DNMBP: variants seen among roughly 807,000 people sequenced by gnomAD.
DNMBP encodes the protein dynamin-binding protein.
A neutral mutation model predicts 150.0 loss-of-function variants in DNMBP; 87 were observed. That is an observed-to-expected ratio of 0.58 (90% confidence interval 0.49 to 0.69). The LOEUF (loss-of-function observed/expected upper bound fraction) is 0.69, where lower values mean the gene tolerates loss of function less well. Among genes scored for constraint, DNMBP ranks in the 30% least tolerant of loss-of-function variants. The pLI, the probability that DNMBP is intolerant of heterozygous loss-of-function variation, is 0.00. For synonymous variants in DNMBP, 711 were observed against 750.4 expected (o/e 0.95, Z 0.86); for missense variants, 1,774 against 1,949.0 (o/e 0.91, Z 1.69).
Position 99,877,086 on chromosome 10 carries a change from G to C in DNMBP, c.*65C>G. On this transcript the variant is annotated 3_prime_UTR_variant, in exon 17 of 17. Coordinates refer to ENST00000324109, the MANE Select transcript of DNMBP (RefSeq NM_015221.4). The stretch of plus-strand genomic sequence containing the variant: ...CTCAGGAGCAGGCGCCCTCTCGGTG[G>C]GCCGCCAGAACCCTCGGCGGACTGA... 6.8e-7 allele frequency: 1 copy of C among 1,475,962 alleles called. No homozygotes were observed. 91.4% of individuals were successfully genotyped at this position (1,475,962 alleles called of 1,614,324 possible). A position where few individuals can be genotyped will look rare whatever the true frequency, so the allele number is the denominator to read the frequency against.
At chr10:99,975,220 C>T (rs535516336) in intron 1 of DNMBP, among the ~76,000 whole-genome samples, 48 of 152,148 alleles carry the variant, frequency 3.2e-4, no homozygotes, top group Admixed American at 3.0e-3. Flanking sequence ...ATTAGCCAGG[C>T]GTGGTGGTGC....
chr10:99,913,040 A>G (rs2039919535), intron 4 of DNMBP, among the ~76,000 whole-genome samples: 1 of 152,174 alleles, frequency 6.6e-6, no homozygotes, highest in African/African-American at 2.4e-5. Flanking sequence ...CATGCCTGTA[A>G]TCCTAGCGCT....
chr10:99,892,096 G>A (rs1489806609), intron 11 of DNMBP, among the ~76,000 whole-genome samples: 2 of 139,634 alleles, frequency 1.4e-5, no homozygotes, highest in East Asian at 2.0e-4. Flanking sequence ...GGTGAGGGGC[G>A]CCTCTGCCCG....
At chr10:99,916,763 G>A (rs1158851001) in intron 4 of DNMBP, among the ~76,000 whole-genome samples, 1 of 152,044 alleles carries the variant, frequency 6.6e-6, no homozygotes, top group Admixed American at 6.6e-5. Context: ...TTGGACAAGG[G>A]CACAAATATG....
intron 4 of DNMBP, among the ~76,000 whole-genome samples, chr10:99,951,582 G>A (rs954250474): frequency 3.9e-5 from 6 of 152,224 alleles, no homozygotes; most frequent in Admixed American, 6.5e-5. Context: ...ACCTCGTTGT[G>A]AGACATGGAG....
chr10:99,887,523 T>C (rs1002492253), intron 12 of DNMBP, among the ~76,000 whole-genome samples: 2 of 152,002 alleles, frequency 1.3e-5, no homozygotes, highest in African/African-American at 4.8e-5. Context: ...TGAGACTCCA[T>C]CTCAAAACAA....
rs2040508071 is a variant in DNMBP at position 99,957,113 on chromosome 10, C to T, written c.361G>A (p.Val121Ile). 2 of 1,613,786 alleles carry T rather than the reference C, an allele frequency of 1.2e-6. No individual in the cohort carries two copies. Among genetic ancestry groups the T allele is most frequent in the African/African-American group, 2.7e-5 (2 of 74,924 alleles). Residue 121 changes from valine to isoleucine, a missense_variant, in exon 4 of 17, where the codon GTC becomes ATC. Physicochemically the swap from Val to Ile is conservative, Grantham distance 29 (BLOSUM62 3). Transcript: ENST00000324109. ...TGTGAGGAGAGGCAGAGCTCGCGGA[C>T]ACATGAAGATGGGAAGAAGCCCCGT... is the stretch of plus-strand genomic sequence containing the variant. Reference protein sequence around the residue: ...GARGFFPSSCVRELCLSSQSR... With the variant: ...GARGFFPSSCIRELCLSSQSR...
chr10:99,968,554 A>G (rs2040643471), intron 3 of DNMBP, among the ~76,000 whole-genome samples: 1 of 152,002 alleles, frequency 6.6e-6, no homozygotes, highest in South Asian at 2.1e-4. Context: ...CCAGCGTGGT[A>G]GCACGTGCCT....
At chr10:99,896,802 A>G (rs1590219182) in intron 9 of DNMBP, among the ~76,000 whole-genome samples, 1 of 152,380 alleles carries the variant, frequency 6.6e-6, no homozygotes, top group East Asian at 1.9e-4. Flanking sequence ...ATTGATATCC[A>G]ATCGTCTCCC....
At chr10:99,951,053 G>A (rs914920716) in intron 4 of DNMBP, among the ~76,000 whole-genome samples, 3 of 152,216 alleles carry the variant, frequency 2.0e-5, no homozygotes, top group South Asian at 2.1e-4. Context: ...GCTGTGTGCA[G>A]CCTAGGGACT....
intron 1 of DNMBP, among the ~76,000 whole-genome samples, chr10:100,006,945 G>A (rs569615901): frequency 1.6e-4 from 24 of 152,074 alleles, no homozygotes; most frequent in African/African-American, 5.3e-4. Context: ...GAAACCCCGC[G>A]TCTACTAAAA....
Position 99,955,372 on chromosome 10 carries a change from A to G in DNMBP, c.2102T>C (p.Met701Thr). ...CPLVLVRIEEMERDLDMYSRA... is the reference protein window; with the variant it reads ...CPLVLVRIEETERDLDMYSRA... Reference sequence around the variant, plus strand: ...ACTGTACATATCCAAGTCCCGCTCCATTTCCTCAATCCTCACCAGCACTAA... The same window carrying G: ...ACTGTACATATCCAAGTCCCGCTCCGTTTCCTCAATCCTCACCAGCACTAA... Residue 701 changes from methionine (M) to threonine (T), a missense_variant, in exon 4 of 17, where the codon ATG becomes ACG. By Grantham distance (81) the Met-to-Thr change is moderately conservative. Around this residue, in one of 2 missense-constraint regions of DNMBP, gnomAD observed 1,430 missense variants for 1,492.5 expected, o/e 0.96. Transcript: ENST00000324109. 6.2e-7 allele frequency: 1 copy of G among 1,614,166 alleles called. No homozygotes were observed. The highest frequency in any genetic ancestry group is 8.5e-7 in the Non-Finnish European group (1 of 1,180,018).
At chr10:99,934,088 TA>T (rs1375386380) in intron 4 of DNMBP, among the ~76,000 whole-genome samples, 2 of 152,076 alleles carry the variant, frequency 1.3e-5, no homozygotes, top group African/African-American at 4.8e-5. Context: ...AATCATAAGT[TA>T]AAGGAATGCA....
At chr10:99,954,903 A>G (rs2040466045) in intron 4 of DNMBP, among the ~76,000 whole-genome samples, 2 of 151,868 alleles carry the variant, frequency 1.3e-5, no homozygotes, top group South Asian at 4.2e-4. Context: ...TACAAAAATT[A>G]GCCAGGTGTG....
Position 99,877,346 on chromosome 10 carries a change from G to GGA in DNMBP, c.4549-12_4549-11dup. The GGA allele has an allele frequency of 6.3e-7, 1 of 1,593,180 alleles. No homozygotes were observed. The highest frequency in any genetic ancestry group is 1.1e-5 in the South Asian group (1 of 88,106). On this transcript the variant is annotated splice_polypyrimidine_tract_variant and intron_variant, in intron 16 of 16. Transcript: ENST00000324109. ...AGACAGCAAAATAGACCTGTGTGAG[G>GGA]GAGAGAGAGAAAATGGGAAATTGCT...
chr10:99,932,417 G>A (rs1158611371), intron 4 of DNMBP, among the ~76,000 whole-genome samples: 1 of 152,098 alleles, frequency 6.6e-6, no homozygotes, highest in African/African-American at 2.4e-5. Flanking sequence ...ATTGACCAGT[G>A]GTATTCATCA....
Position 99,886,503 on chromosome 10 carries a change from C to T in DNMBP, c.3415G>A (p.Glu1139Lys). 1 of 1,614,176 alleles carries T rather than the reference C, an allele frequency of 6.2e-7. No individual in the cohort carries two copies. The highest frequency in any genetic ancestry group is 8.5e-7 in the Non-Finnish European group (1 of 1,180,032). The change falls in exon 13 of 17, where the codon GAA becomes AAA. Residue 1139 changes from glutamate (E) to lysine (K), a missense_variant. Glu to Lys is a moderately conservative substitution (Grantham distance 56). Around this residue, in one of 2 missense-constraint regions of DNMBP, gnomAD observed 1,430 missense variants for 1,492.5 expected, o/e 0.96. Coordinates refer to ENST00000324109, the MANE Select transcript of DNMBP (RefSeq NM_015221.4). The stretch of plus-strand genomic sequence containing the variant: ...AGGGTCTTCTTGTCCTTTAGCTTTT[C>T]TGCCCGTTCTGTACAGTTATAGAAG... ...LDFYNCTERA[E>K]KLKDKKTLEE...
Position 99,880,416 on chromosome 10 carries a change from CAGAG to C in DNMBP, c.3998-59_3998-56del, listed in dbSNP as rs770131677. 164 of 1,468,002 alleles carry C rather than the reference CAGAG, an allele frequency of 1.1e-4. 1 individual carries two copies. Among genetic ancestry groups the C allele is most frequent in the Non-Finnish European group, 1.3e-4 (140 of 1,116,674 alleles). The allele number at this position is 1,468,002 out of a possible 1,614,324, so 90.9% of individuals were successfully genotyped here. ...AACTCTTAGCAGAAGGCTGGACAGA[CAGAG>C]GGAGCATTGAGAGAAAAAAAACTGA... On this transcript the variant is annotated intron_variant, in intron 15 of 16. Coordinates refer to ENST00000324109, the MANE Select transcript of DNMBP (RefSeq NM_015221.4).
At chr10:99,944,534 C>G (rs184796877) in intron 4 of DNMBP, among the ~76,000 whole-genome samples, 5 of 152,302 alleles carry the variant, frequency 3.3e-5, no homozygotes, top group Non-Finnish European at 7.3e-5. Context: ...TGAACCTTAA[C>G]TTGTTAATTA....
Sources: allele counts gnomAD v4.1 joint callset (sites outside exome capture counted in the v4.1 genomes callset), GRCh38; gene constraint gnomAD v4.1.1; regional missense constraint gnomAD v4.1.1; transcripts MANE v1.5; gene names NCBI Gene and HGNC (gene_info 2026-07-23, HGNC 2026-07-21).